The following UBXN6 variants were observed in gnomAD, a reference collection of about 807,000 sequenced individuals.
UBXN6 encodes the protein UBX domain protein 6.
UBXN6 carries 44 observed loss-of-function variants against 51.4 expected under a neutral mutation model. The ratio of observed to expected loss-of-function variants is 0.86; its 90% CI spans 0.67 to 1.10. UBXN6 has a LOEUF of 1.10. Ranked by LOEUF, UBXN6 falls within the 50% of genes least tolerant of loss-of-function variation. UBXN6 has a pLI of 0.00. For synonymous variants in UBXN6, 316 were observed against 263.2 expected, an observed-to-expected ratio of 1.20 and a Z score of -1.94; for missense variants, 672 against 596.1, an observed-to-expected ratio of 1.13 and a Z score of -1.32.
At chr19:4,446,020 C>A in intron 10 of UBXN6, 29 bp downstream of exon 10, 1 of 1,591,162 alleles carries the variant, frequency 6.3e-7, no homozygotes, top group South Asian at 1.1e-5. Flanking sequence ...GGCATCGGGT[C>A]AGCGGTGCTC....
At chr19:4,452,761 A>G (rs1196256073) in intron 3 of UBXN6, among the ~76,000 whole-genome samples, 1 of 152,160 alleles carries the variant, frequency 6.6e-6, no homozygotes, top group Non-Finnish European at 1.5e-5. Flanking sequence ...CACGCAGGAA[A>G]CACCCAGCAG....
At position 4,457,662 on chromosome 19, in the gene UBXN6, G is replaced by A. The variant is rs1974759588; in HGVS notation, c.36C>T (p.Ile12=). The A allele has an allele frequency of 3.1e-6, 5 of 1,601,868 alleles. No homozygotes were observed. The highest frequency in any genetic ancestry group is 2.3e-5 in the East Asian group (1 of 43,780). ...GACCGGGTCCCGCGCTCTTGAACTT[G>A]ATGTCGGCCTTGAACTCCTGAAAGA... ...KKFFQEFKAD[I]KFKSAGPGQK... The change falls in exon 1 of 11, where the codon ATC becomes ATT. Residue 12 remains isoleucine, a synonymous_variant. Transcript: ENST00000301281.
chr19:4,447,216 G>A, intron 6 of UBXN6: 1 of 577,338 alleles, frequency 1.7e-6, no homozygotes, highest in East Asian at 2.9e-5. Context: ...CAGGACCCCA[G>A]TCCCTGCCCT....
intron 5 of UBXN6, 59 bp from the exon 6 acceptor site, chr19:4,447,684 G>C (rs1974566418): frequency 6.4e-7 from 1 of 1,559,058 alleles, no homozygotes; most frequent in African/African-American, 1.4e-5. Context: ...CGGCCCCTCT[G>C]TGCCTCCTGC....
chr19:4,451,563 A>G (rs243394), intron 4 of UBXN6, among the ~76,000 whole-genome samples: 1 of 151,906 alleles, frequency 6.6e-6, no homozygotes, highest in African/African-American at 2.4e-5. Context: ...CATGTTGCCC[A>G]GGCTAAAGCC....
intron 1 of UBXN6, among the ~76,000 whole-genome samples, chr19:4,456,773 C>T (rs1272972882): frequency 6.6e-6 from 1 of 152,154 alleles, no homozygotes; most frequent in African/African-American, 2.4e-5. Context: ...AGAGAAGCCT[C>T]GCAGAGAAGC....
rs1356832092 is a variant in UBXN6 at position 4,446,343 on chromosome 19, G to T, written c.991C>A (p.Leu331Met). The change falls in exon 9 of 11, where the codon CTG becomes ATG. Residue 331 changes from leucine (L) to methionine (M), a missense_variant. Coordinates refer to ENST00000301281, the MANE Select transcript of UBXN6 (RefSeq NM_025241.3). ...AMREKEEQRGLRKYNYTLLRV... is the reference protein window; with the variant it reads ...AMREKEEQRGMRKYNYTLLRV... ...AGCAGCGTGTAGTTGTACTTGCGCAGCCCCCGCTGCTCCTCCTTCTCCCGC... is the reference window on the plus strand; with the variant it reads ...AGCAGCGTGTAGTTGTACTTGCGCATCCCCCGCTGCTCCTCCTTCTCCCGC... 1 of 1,569,836 alleles carries T rather than the reference G, an allele frequency of 6.4e-7. No individual in the cohort carries two copies. The highest frequency in any genetic ancestry group is 8.6e-7 in the Non-Finnish European group (1 of 1,164,132).
intron 1 of UBXN6, chr19:4,455,369 G>C (rs1401487772): frequency 5.7e-6 from 5 of 882,984 alleles, no homozygotes; most frequent in African/African-American, 1.8e-5. Flanking sequence ...TCCTCCCACA[G>C]CTGAGCATCT....
chr19:4,452,345 C>G lies in UBXN6; in HGVS notation c.441+19G>C, dbSNP rs748686351. 1.9e-6 allele frequency: 3 copies of G among 1,611,030 alleles called. No homozygotes were observed. The Admixed American group carries it at 5.0e-5, about 27-fold the overall frequency. On this transcript the variant is annotated intron_variant, in intron 4 of 10. Coordinates refer to ENST00000301281, the MANE Select transcript of UBXN6 (RefSeq NM_025241.3). ...AGGAAGCTACAGGTTGGGGCAGGAG[C>G]ACACAGGGTGCCACTCACCAAGAGA...
chr19:4,448,111 T>G, intron 5 of UBXN6: 1 of 596,492 alleles, frequency 1.7e-6, no homozygotes, highest in Non-Finnish European at 3.0e-6. Flanking sequence ...TTCAACACCT[T>G]CATTTTGCAC....
Position 4,446,484 on chromosome 19 carries a change from C to G in UBXN6, c.920+16G>C. ...CCCCGCCCCGCCCCACTCTGCTCCG[C>G]GGACGTCAGGCCCACCTGAGCCTCT... On this transcript the variant is annotated intron_variant, in intron 8 of 10. Coordinates refer to ENST00000301281, the MANE Select transcript of UBXN6 (RefSeq NM_025241.3). The G allele has an allele frequency of 6.2e-7, 1 of 1,600,088 alleles. No homozygotes were observed. Among genetic ancestry groups the G allele is most frequent in the Non-Finnish European group, 8.5e-7 (1 of 1,175,614 alleles).
Position 4,446,302 on chromosome 19 carries a change from G to T in UBXN6, c.1032C>A (p.Pro344=). The part of the protein sequence containing the change: ...YNYTLLRVRL[P]DGCLLQGTFY... ...GCCCACCCTGCAGGAGGCAGCCATC[G>T]GGGAGGCGCACGCGCAGCAGCGTGT... Residue 344 remains proline, a synonymous_variant, in exon 9 of 11, where the codon CCC becomes CCA. Coordinates refer to ENST00000301281, the MANE Select transcript of UBXN6 (RefSeq NM_025241.3). The T allele has an allele frequency of 6.4e-7, 1 of 1,572,180 alleles. No homozygotes were observed. The highest frequency in any genetic ancestry group is 8.6e-7 in the Non-Finnish European group (1 of 1,163,874).
At chr19:4,447,688 C>T (rs1300000353) in intron 5 of UBXN6, 63 bp from the exon 6 acceptor site, 1 of 1,548,534 alleles carries the variant, frequency 6.5e-7, no homozygotes, top group East Asian at 2.2e-5. Flanking sequence ...CCCTCTGTGC[C>T]TCCTGCTCCA....
chr19:4,455,743 G>T (rs899946386), intron 1 of UBXN6, among the ~76,000 whole-genome samples: 1 of 152,214 alleles, frequency 6.6e-6, no homozygotes, highest in South Asian at 2.1e-4. Flanking sequence ...TGTTCTCCGG[G>T]GGAGTGGGAG....
Position 4,446,142 on chromosome 19 carries a change from G to A in UBXN6, c.1107C>T (p.Ala369=). The A allele has an allele frequency of 6.2e-7, 1 of 1,611,876 alleles. No homozygotes were observed. The highest frequency in any genetic ancestry group is 1.1e-5 in the South Asian group (1 of 91,080). Residue 369 remains alanine (A), a synonymous_variant, in exon 10 of 11, where the codon GCC becomes GCT. Coordinates refer to ENST00000301281, the MANE Select transcript of UBXN6 (RefSeq NM_025241.3). ...CAAAAGGCAGCCAGTCGCTCTGCAG[G>A]GCCTCCCGGACGAACCCGTACACCG... ...LGAVYGFVRE[A]LQSDWLPFEL... is the part of the protein sequence containing the mutation.
At chr19:4,448,109 C>T in intron 5 of UBXN6, 1 of 596,766 alleles carries the variant, frequency 1.7e-6, no homozygotes, top group Non-Finnish European at 3.0e-6. Context: ...CCTTCAACAC[C>T]TTCATTTTGC....
chr19:4,445,884 G>T, intron 10 of UBXN6, 165 bp downstream of exon 10: 1 of 1,212,410 alleles, frequency 8.2e-7, no homozygotes, highest in Non-Finnish European at 1.1e-6. Context: ...GAACTTGCTC[G>T]AGGCCCTGCT....
At chr19:4,448,619 G>C in intron 4 of UBXN6, 1 of 592,148 alleles carries the variant, frequency 1.7e-6, no homozygotes, top group Non-Finnish European at 3.0e-6. Context: ...ACGCAGCCAA[G>C]ACCCAGCAGA....
rs750315970 is a variant in UBXN6, at chr19:4,446,112, C to G, written c.1137G>C (p.Leu379=). 4 of 1,612,512 alleles carry G rather than the reference C, an allele frequency of 2.5e-6. No homozygotes were observed. In the African/African-American group the frequency reaches 5.3e-5, roughly 22 times the overall value. The stretch of plus-strand genomic sequence containing the variant: ...ACAGCTTCTGCCCTCCCGAGGCCAG[C>G]AGCTCAAAAGGCAGCCAGTCGCTCT... ...ALQSDWLPFE[L]LASGGQKLSE... is the part of the protein sequence containing the mutation. Residue 379 remains leucine (L), a synonymous_variant, in exon 10 of 11, where the codon CTG becomes CTC. Transcript: ENST00000301281.
Sources: gnomAD v4.1 joint callset for allele counts (sites outside exome capture counted in the v4.1 genomes callset) on GRCh38, gnomAD v4.1.1 for gene constraint, MANE v1.5 for transcripts, NCBI Gene and HGNC (gene_info 2026-07-23, HGNC 2026-07-21) for gene names.